Variants in KCNN3 observed in about 807,000 individuals in gnomAD.
KCNN3 encodes the protein potassium calcium-activated channel subfamily N member 3, also known as small conductance calcium-activated potassium channel protein 3.
In KCNN3, 16 loss-of-function variants were observed where a neutral mutation model predicts 62.9. That is an observed-to-expected ratio of 0.25 (90% confidence interval 0.17 to 0.39). The LOEUF (loss-of-function observed/expected upper bound fraction) is 0.39, where lower values mean the gene tolerates loss of function less well. Ranked by LOEUF, KCNN3 falls within the 10% of genes least tolerant of loss-of-function variation. The pLI is 1.00. For missense variants in KCNN3, 599 were observed against 949.4 expected, an observed-to-expected ratio of 0.63 and a Z score of 4.85; for synonymous variants, 370 against 389.2, an observed-to-expected ratio of 0.95 and a Z score of 0.58.
At chr1:154,861,012 T>C (rs1571347041) in intron 1 of KCNN3, among the ~76,000 whole-genome samples, 1 of 141,610 alleles carries the variant, frequency 7.1e-6, no homozygotes, top group African/African-American at 2.7e-5. Flanking sequence ...TGGAGTGCAG[T>C]GGCGCGATCT....
chr1:154,719,580 C>G (rs1380117841), intron 5 of KCNN3, among the ~76,000 whole-genome samples: 2 of 152,172 alleles, frequency 1.3e-5, no homozygotes, highest in Non-Finnish European at 2.9e-5. Context: ...CAGTGCATGA[C>G]TGTAACTTCA....
intron 2 of KCNN3, among the ~76,000 whole-genome samples, chr1:154,798,229 T>C (rs1287676159): frequency 6.6e-6 from 1 of 151,940 alleles, no homozygotes; most frequent in Non-Finnish European, 1.5e-5. Flanking sequence ...TCAGACCTGG[T>C]TTGAACAAAC....
intron 1 of KCNN3, among the ~76,000 whole-genome samples, chr1:154,850,433 G>A (rs989480683): frequency 2.0e-5 from 3 of 152,222 alleles, no homozygotes; most frequent in African/African-American, 7.2e-5. Flanking sequence ...CCGGGTGCCA[G>A]CATCAGACAC....
At position 154,707,787 on chromosome 1, in the gene KCNN3, A is replaced by C; in HGVS notation, c.*189T>G. 1.5e-6 allele frequency: 1 copy of C among 653,702 alleles called. No homozygotes were observed. 40.5% of individuals were successfully genotyped at this position (653,702 alleles called of 1,614,324 possible). ...CGCTCCCAAGTAGAGGCACCTAAAC[A>C]GAGATTAGATTTCTGGTTTCAAGGC... On this transcript the variant is annotated 3_prime_UTR_variant, in exon 8 of 8. Transcript: ENST00000271915.
chr1:154,796,746 G>A (rs954496643), intron 2 of KCNN3, among the ~76,000 whole-genome samples: 5 of 152,222 alleles, frequency 3.3e-5, no homozygotes, highest in East Asian at 1.9e-4. Flanking sequence ...CACAGCGAAC[G>A]CTGGCCAAGC....
At chr1:154,835,287 T>C (rs1370524505) in intron 1 of KCNN3, among the ~76,000 whole-genome samples, 1 of 152,216 alleles carries the variant, frequency 6.6e-6, no homozygotes, top group Non-Finnish European at 1.5e-5. Flanking sequence ...TTACTATGAA[T>C]GGTAATCATT....
At chr1:154,791,638 G>C (rs530323145) in intron 2 of KCNN3, among the ~76,000 whole-genome samples, 1 of 152,206 alleles carries the variant, frequency 6.6e-6, no homozygotes, top group Non-Finnish European at 1.5e-5. Flanking sequence ...AAGGAACCTC[G>C]AAAGGGAACG....
intron 3 of KCNN3, among the ~76,000 whole-genome samples, chr1:154,763,710 T>C (rs1648126596): frequency 6.6e-6 from 1 of 152,224 alleles, no homozygotes; most frequent in Non-Finnish European, 1.5e-5. Flanking sequence ...TGTCCTTTAA[T>C]TGGAGTTTTA....
At chr1:154,868,413 C>T (rs543326885) in intron 1 of KCNN3, 3 of 954,648 alleles carry the variant, frequency 3.1e-6, no homozygotes, top group Admixed American at 5.8e-5. Context: ...CTATTTTGCC[C>T]GAGACTCTCT....
chr1:154,853,471 G>A (rs1226763840), intron 1 of KCNN3, among the ~76,000 whole-genome samples: 2 of 151,910 alleles, frequency 1.3e-5, no homozygotes, highest in Non-Finnish European at 2.9e-5. Flanking sequence ...AAGTAGCTGG[G>A]ACCACAGGCA....
intron 3 of KCNN3, among the ~76,000 whole-genome samples, chr1:154,766,830 C>G (rs1024301401): frequency 1.3e-5 from 2 of 151,890 alleles, no homozygotes; most frequent in Non-Finnish European, 2.9e-5. Context: ...CAGGTGTGTG[C>G]CACCATGCCC....
In KCNN3 at chr1:154,870,188, T is replaced by C; in HGVS notation, c.-224A>G. ...AGGGAGGGAGAGCAGGAGGGGAGCT[T>C]GGAGAAAGAAGAGGGGGTGAAAGAA... On this transcript the variant is annotated 5_prime_UTR_variant, in exon 1 of 8. Transcript: ENST00000271915. The C allele has an allele frequency of 1.4e-6, 1 of 703,348 alleles. No homozygotes were observed. Among genetic ancestry groups the C allele is most frequent in the Non-Finnish European group, 2.6e-6 (1 of 384,804 alleles). The allele number at this position is 703,348 out of a possible 1,614,324, so 43.6% of individuals were successfully genotyped here.
intron 7 of KCNN3, among the ~76,000 whole-genome samples, chr1:154,713,047 C>G (rs929028117): frequency 6.6e-6 from 1 of 152,102 alleles, no homozygotes; most frequent in African/African-American, 2.4e-5. Flanking sequence ...AATGAACTTC[C>G]AAGTATTACA....
intron 4 of KCNN3, among the ~76,000 whole-genome samples, chr1:154,732,700 G>C (rs1450331472): frequency 6.6e-6 from 1 of 152,182 alleles, no homozygotes; most frequent in Non-Finnish European, 1.5e-5. Flanking sequence ...ACAGCAGTGG[G>C]GTGGGCATCA....
At chr1:154,812,029 C>T (rs934176837) in intron 2 of KCNN3, among the ~76,000 whole-genome samples, 6 of 152,140 alleles carry the variant, frequency 3.9e-5, no homozygotes, top group Admixed American at 2.6e-4. Flanking sequence ...GCACTGGCCC[C>T]CCTGCGGTGC....
chr1:154,816,657 T>C (rs1448245289), intron 2 of KCNN3, among the ~76,000 whole-genome samples: 1 of 152,132 alleles, frequency 6.6e-6, no homozygotes, highest in Non-Finnish European at 1.5e-5. Context: ...CCATCCTCCC[T>C]TCCTCACTCC....
Position 154,772,534 on chromosome 1 carries a change from T to C in KCNN3, c.1030-141A>G, listed in dbSNP as rs1648608590. On this transcript the variant is annotated intron_variant, in intron 2 of 7. Coordinates refer to ENST00000271915, the MANE Select transcript of KCNN3 (RefSeq NM_002249.6). This position sits in a 1 kb window ranked among gnomAD's most constrained non-coding sequence, Gnocchi z 5.6. ...ACCTCAGCATGCTCTTTAGGGGCCT[T>C]GCTATGTGGCAAGAGCCCTGTATGT... 1.3e-6 allele frequency: 1 copy of C among 777,894 alleles called. No individual in the cohort carries two copies. The highest frequency in any genetic ancestry group is 1.7e-5 in the African/African-American group (1 of 58,404). The allele number at this position is 777,894 out of a possible 1,614,324, so 48.2% of individuals were successfully genotyped here. A position where few individuals can be genotyped will look rare whatever the true frequency, so the allele number is the denominator to read the frequency against.
intron 2 of KCNN3, among the ~76,000 whole-genome samples, chr1:154,797,151 G>C (rs1368073607): frequency 6.6e-6 from 1 of 152,242 alleles, no homozygotes; most frequent in Non-Finnish European, 1.5e-5. Context: ...ACAGGAGACA[G>C]AGACAGCAGT....
intron 3 of KCNN3, among the ~76,000 whole-genome samples, chr1:154,745,027 C>T (rs1700910138): frequency 6.6e-6 from 1 of 152,042 alleles, no homozygotes; most frequent in African/African-American, 2.4e-5. Context: ...GGGCTGATCA[C>T]AAGCCTATCA....
Sources: gnomAD v4.1 joint callset for allele counts (sites outside exome capture counted in the v4.1 genomes callset) on GRCh38, gnomAD v4.1.1 for gene constraint, Gnocchi (gnomAD v3.1) non-coding constraint, MANE v1.5 for transcripts, NCBI Gene and HGNC (gene_info 2026-07-23, HGNC 2026-07-21) for gene names.